EPB41L5: variants seen among roughly 807,000 people sequenced by gnomAD.
EPB41L5 encodes the protein erythrocyte membrane protein band 4.1 like 5.
Under a neutral mutation model 106.6 loss-of-function variants are expected in EPB41L5, and 55 were observed. The ratio of observed to expected loss-of-function variants is 0.52; its 90% confidence interval spans 0.42 to 0.65. The LOEUF is 0.65. Among genes scored for constraint, EPB41L5 ranks in the 30% least tolerant of loss-of-function variants. The pLI is 0.00. For missense variants in EPB41L5, 871 were observed against 882.1 expected (o/e 0.99, Z 0.16); for synonymous variants, 297 against 306.7 (o/e 0.97, Z 0.33).
At chr2:120,059,466 A>T (rs1680877973) in intron 3 of EPB41L5, among the ~76,000 whole-genome samples, 1 of 152,230 alleles carries the variant, frequency 6.6e-6, no homozygotes, top group African/African-American at 2.4e-5. Context: ...GATTTTTAAA[A>T]AAAAGATAAA....
At chr2:120,062,654 A>C (rs1343035523) in intron 3 of EPB41L5, among the ~76,000 whole-genome samples, 2 of 152,182 alleles carry the variant, frequency 1.3e-5, no homozygotes, top group African/African-American at 4.8e-5. Context: ...ACATTAGAAA[A>C]TGCTGTATTA....
At chr2:120,158,314 G>C (rs1196206166) in intron 20 of EPB41L5, among the ~76,000 whole-genome samples, 1 of 152,154 alleles carries the variant, frequency 6.6e-6, no homozygotes, top group East Asian at 1.9e-4. Context: ...CTTCAGGCCA[G>C]TATTCTTGAT....
chr2:120,042,929 G>A (rs1201464508), intron 3 of EPB41L5, among the ~76,000 whole-genome samples: 1 of 151,966 alleles, frequency 6.6e-6, no homozygotes, highest in East Asian at 1.9e-4. Context: ...GGCCTGGACA[G>A]TAGGAGGCAG....
At chr2:120,141,733 A>G (rs1325169442) in intron 18 of EPB41L5, among the ~76,000 whole-genome samples, 1 of 152,146 alleles carries the variant, frequency 6.6e-6, no homozygotes, top group African/African-American at 2.4e-5. Flanking sequence ...GATGATTGCC[A>G]CGTAGAAATC....
intron 16 of EPB41L5, chr2:120,104,193 C>T (rs565319539): frequency 3.5e-5 from 54 of 1,535,824 alleles, no homozygotes; most frequent in African/African-American, 6.8e-5. Context: ...TGCAGGAATC[C>T]GTCATGATGT....
chr2:120,090,793 G>A (rs1212560420), intron 12 of EPB41L5, among the ~76,000 whole-genome samples: 1 of 152,106 alleles, frequency 6.6e-6, no homozygotes, highest in African/African-American at 2.4e-5. Context: ...TATTTAACAA[G>A]AGTTTTATGG....
chr2:120,037,850 AAAG>A (rs1268308434), intron 2 of EPB41L5, among the ~76,000 whole-genome samples: 3 of 152,232 alleles, frequency 2.0e-5, no homozygotes, highest in Non-Finnish European at 2.9e-5. Flanking sequence ...CATGGAAAAG[AAAG>A]AAGTCAGACC....
intron 20 of EPB41L5, among the ~76,000 whole-genome samples, chr2:120,159,260 T>C (rs1019694924): frequency 1.6e-5 from 2 of 124,398 alleles, no homozygotes; most frequent in African/African-American, 5.9e-5. Flanking sequence ...CCGTCTCTAC[T>C]AAAAAAAAAA....
intron 16 of EPB41L5, among the ~76,000 whole-genome samples, chr2:120,114,317 C>G (rs1170444245): frequency 6.6e-6 from 1 of 152,134 alleles, no homozygotes; most frequent in Non-Finnish European, 1.5e-5. Context: ...TGGTGTGAAA[C>G]TGTTGTAATT....
At chr2:120,133,741 C>A (rs72954749) in intron 18 of EPB41L5, among the ~76,000 whole-genome samples, 9,497 of 152,202 alleles carry the variant, frequency 0.062, 412 homozygotes, top group South Asian at 0.1. Flanking sequence ...AGCCAGTGGA[C>A]CTGGGGTACA....
At chr2:120,160,713 A>G (rs1031509100) in intron 20 of EPB41L5, 168 bp from the exon 21 acceptor site, 3 of 584,558 alleles carry the variant, frequency 5.1e-6, no homozygotes, top group East Asian at 5.6e-5. Context: ...GAGCGAGATG[A>G]TGTCTCATCA....
chr2:120,100,783 A>G lies in EPB41L5; in HGVS notation c.1306A>G (p.Ser436Gly). 1 of 1,611,356 alleles carries G rather than the reference A, an allele frequency of 6.2e-7. No homozygotes were observed. Among genetic ancestry groups the G allele is most frequent in the Admixed American group, 1.7e-5 (1 of 59,832 alleles). The change falls in exon 16 of 25, where the codon AGT (serine) becomes GGT (glycine). Residue 436 changes from serine to glycine, a missense_variant. Ser to Gly is a moderately conservative substitution (Grantham distance 56). Coordinates refer to ENST00000263713, the MANE Select transcript of EPB41L5 (RefSeq NM_020909.4). ...VPVEIENLPQ[S>G]PGTDQHDRKC... is the part of the protein sequence containing the mutation. The stretch of plus-strand genomic sequence containing the variant: ...AGTGGAGATAGAGAATCTTCCACAG[A>G]GTCCTGGAACAGACCAGCATGACAG...
At chr2:120,052,471 G>A (rs1167054841) in intron 3 of EPB41L5, among the ~76,000 whole-genome samples, 1 of 152,024 alleles carries the variant, frequency 6.6e-6, no homozygotes, top group Non-Finnish European at 1.5e-5. Flanking sequence ...TTTTCCCTTT[G>A]TCATTAACTA....
intron 16 of EPB41L5, among the ~76,000 whole-genome samples, chr2:120,107,192 G>A (rs955369599): frequency 1.3e-5 from 2 of 151,930 alleles, no homozygotes; most frequent in African/African-American, 4.8e-5. Flanking sequence ...TTAGTTCATC[G>A]TGCCCCAGTG....
chr2:120,166,023 G>A (rs558267260), intron 22 of EPB41L5, among the ~76,000 whole-genome samples: 7 of 148,970 alleles, frequency 4.7e-5, no homozygotes, highest in African/African-American at 1.7e-4. Context: ...TACCTTATGA[G>A]TGATATGACG....
intron 20 of EPB41L5, among the ~76,000 whole-genome samples, chr2:120,153,746 G>GTCT (rs1033741942): frequency 5.8e-4 from 88 of 152,192 alleles, no homozygotes; most frequent in African/African-American, 2.1e-3. Flanking sequence ...TGTATAATGT[G>GTCT]TCTCTTTGTC....
rs539813602 is a variant in EPB41L5, at chr2:120,069,128, C to CAAAAAA, written c.286-4016_286-4011dup. Among the ~76,000 whole-genome samples, 117 of 79,524 alleles carry CAAAAAA rather than the reference C, an allele frequency of 1.5e-3. 2 individuals are homozygous for CAAAAAA. Among genetic ancestry groups the CAAAAAA allele is most frequent in the African/African-American group, 1.7e-3 (29 of 16,914 alleles). 52.2% of individuals were successfully genotyped at this position (79,524 alleles called of 152,430 possible). On this transcript the variant is annotated intron_variant, in intron 3 of 24. Coordinates refer to ENST00000263713, the MANE Select transcript of EPB41L5 (RefSeq NM_020909.4). ...GGGCAACAAGAGTGAAACTCTGTCT[C>CAAAAAA]AAAAAAAAAAAAAAAAAAAAAAAAA... is the stretch of plus-strand genomic sequence containing the variant.
intron 20 of EPB41L5, among the ~76,000 whole-genome samples, chr2:120,147,624 CAAAAAAAAA>C (rs60980401): frequency 1.3e-5 from 1 of 75,596 alleles, no homozygotes; most frequent in African/African-American, 5.0e-5. Flanking sequence ...AACTCTGTCT[CAAAAAAAAA>C]AAAAAAAAAA....
chr2:120,158,267 T>TA (rs1395236154), intron 20 of EPB41L5, among the ~76,000 whole-genome samples: 3 of 152,198 alleles, frequency 2.0e-5, no homozygotes, highest in African/African-American at 7.2e-5. Flanking sequence ...ATCATCCTGA[T>TA]ACGAACACCT....
Sources: allele counts gnomAD v4.1 joint callset (sites outside exome capture counted in the v4.1 genomes callset), GRCh38; gene constraint gnomAD v4.1.1; transcripts MANE v1.5; gene names NCBI Gene and HGNC (gene_info 2026-07-23, HGNC 2026-07-21).